MAGI2: variants seen among roughly 807,000 people sequenced by gnomAD.
The protein encoded by MAGI2 is membrane associated guanylate kinase, WW and PDZ domain containing 2.
MAGI2 carries 35 observed loss-of-function variants against 133.3 expected under a neutral mutation model. That is an observed-to-expected ratio of 0.26 (90% CI 0.20 to 0.35). The LOEUF (loss-of-function observed/expected upper bound fraction) is 0.35, where lower values mean the gene tolerates loss of function less well. MAGI2 is among the 10% of genes least tolerant of loss of function. The probability of loss-of-function intolerance (pLI) is 1.00; values close to 1 mark genes in which losing one functional copy is unlikely to be tolerated. For synonymous variants in MAGI2, 729 were observed against 710.6 expected, an observed-to-expected ratio of 1.03 and a Z score of -0.41; for missense variants, 1,636 against 1,863.4, an observed-to-expected ratio of 0.88 and a Z score of 2.25.
At chr7:78,054,657 ATT>A (rs11300162) in intron 21 of MAGI2, among the ~76,000 whole-genome samples, 3 of 144,076 alleles carry the variant, frequency 2.1e-5, no homozygotes, top group Non-Finnish European at 3.1e-5. Context: ...ATTTCACTTA[ATT>A]TTTTTTTTTC....
At chr7:79,245,858 TG>T (rs1832784127) in intron 1 of MAGI2, among the ~76,000 whole-genome samples, 1 of 152,174 alleles carries the variant, frequency 6.6e-6, no homozygotes, top group Non-Finnish European at 1.5e-5. Context: ...TGGCCCAGCA[TG>T]GCCCCAGCGG....
chr7:79,220,244 T>C (rs1173161521), intron 1 of MAGI2, among the ~76,000 whole-genome samples: 1 of 151,974 alleles, frequency 6.6e-6, no homozygotes, highest in Non-Finnish European at 1.5e-5. Context: ...GGTGCATGTT[T>C]TTCAGCAATC....
intron 1 of MAGI2, among the ~76,000 whole-genome samples, chr7:79,305,297 A>T (rs1311087408): frequency 6.6e-6 from 1 of 152,142 alleles, no homozygotes; most frequent in East Asian, 1.9e-4. Flanking sequence ...TCACTTCAAC[A>T]GATCTTGTTT....
chr7:79,311,570 C>T (rs1393030537), intron 1 of MAGI2, among the ~76,000 whole-genome samples: 1 of 152,012 alleles, frequency 6.6e-6, no homozygotes, highest in African/African-American at 2.4e-5. Context: ...CCTCCCACCA[C>T]CTGCCCCTAT....
chr7:78,399,804 C>CAAAAA (rs3061269), intron 6 of MAGI2, among the ~76,000 whole-genome samples: 67 of 69,690 alleles, frequency 9.6e-4, no homozygotes, highest in Middle Eastern at 9.6e-3. Context: ...GACTTTGTAT[C>CAAAAA]AAAAAAAAAA....
chr7:79,357,051 A>ATGC lies in MAGI2; in HGVS notation c.301+95966_301+95968dup, dbSNP rs1842067122. Among the ~76,000 whole-genome samples the ATGC allele has an allele frequency of 2.0e-5, 3 of 152,322 alleles. No homozygotes were observed. In the South Asian group the frequency reaches 6.2e-4, roughly 32 times the overall value. On this transcript the variant is annotated intron_variant, in intron 1 of 21. Coordinates refer to ENST00000354212, the MANE Select transcript of MAGI2 (RefSeq NM_012301.4). ...ATGATTACAATGGGTATTATAAATG[A>ATGC]TGCTCAAGGTTATTTTACTCATTTT... is the stretch of plus-strand genomic sequence containing the variant.
intron 21 of MAGI2, among the ~76,000 whole-genome samples, chr7:78,044,678 C>CGTGTGTGTGTGTGT (rs58076536): frequency 7.9e-6 from 1 of 126,408 alleles, no homozygotes; most frequent in Admixed American, 7.6e-5. Flanking sequence ...GCTAATGTAC[C>CGTGTGTGTGTGTGT]GTGTGTGTGT....
intron 21 of MAGI2, among the ~76,000 whole-genome samples, chr7:78,020,356 G>A (rs1808261323): frequency 6.6e-6 from 1 of 152,146 alleles, no homozygotes; most frequent in Non-Finnish European, 1.5e-5. Flanking sequence ...GTAGACCTTG[G>A]AATCACCAGG....
chr7:78,326,641 G>A (rs1788615643), intron 9 of MAGI2, among the ~76,000 whole-genome samples: 1 of 152,112 alleles, frequency 6.6e-6, no homozygotes, highest in South Asian at 2.1e-4. Context: ...CGACAGAAGG[G>A]GAGGTGGAAG....
intron 1 of MAGI2, among the ~76,000 whole-genome samples, chr7:79,445,284 G>A (rs1450558121): frequency 6.6e-6 from 1 of 152,094 alleles, no homozygotes. Context: ...AACACCAAAA[G>A]CAATGGCAAC....
chr7:78,489,529 A>G lies in MAGI2; in HGVS notation c.1045+232T>C, dbSNP rs1548867. On this transcript the variant is annotated intron_variant, in intron 6 of 21. Transcript: ENST00000354212. Reference sequence around the variant, plus strand: ...TCAGGCCAGGAGTCAAACAGAACCAACAGAGATGACAGAGATGTGATATTC... The same window carrying G: ...TCAGGCCAGGAGTCAAACAGAACCAGCAGAGATGACAGAGATGTGATATTC... 0.11 allele frequency among the ~76,000 whole-genome samples: 17,131 copies of G among 152,064 alleles called. 1,159 individuals are homozygous for G. Among genetic ancestry groups the G allele is most frequent in the African/African-American group, 0.18 (7,311 of 41,476 alleles).
At chr7:78,925,170 G>A (rs1799597609) in intron 2 of MAGI2, among the ~76,000 whole-genome samples, 2 of 152,020 alleles carry the variant, frequency 1.3e-5, no homozygotes, top group East Asian at 3.9e-4. Flanking sequence ...CAGAACTCCA[G>A]TGGGAAAGCG....
chr7:78,231,408 C>A (rs566094700), intron 10 of MAGI2, among the ~76,000 whole-genome samples: 2 of 152,184 alleles, frequency 1.3e-5, no homozygotes, highest in South Asian at 2.1e-4. Flanking sequence ...CTGGCCCCTG[C>A]GCTCTAAATG....
intron 6 of MAGI2, among the ~76,000 whole-genome samples, chr7:78,468,451 T>C (rs940998292): frequency 2.0e-5 from 3 of 152,120 alleles, no homozygotes; most frequent in African/African-American, 7.2e-5. Flanking sequence ...AAATTATACA[T>C]ATGCTTATAT....
rs555131806 is a variant in MAGI2, at chr7:79,123,730, G to A, written c.302-116524C>T. Among the ~76,000 whole-genome samples the A allele has an allele frequency of 5.5e-5, 8 of 144,864 alleles. No homozygotes were observed. The East Asian group carries it at 1.6e-3, about 30-fold the overall frequency. On this transcript the variant is annotated intron_variant, in intron 1 of 21. Coordinates refer to ENST00000354212, the MANE Select transcript of MAGI2 (RefSeq NM_012301.4). ...GAACCCGGGAGGCAGAGGTTGCAGT[G>A]AGCTGAGATCGCACCACTGCATTCC... is the stretch of plus-strand genomic sequence containing the variant.
intron 1 of MAGI2, among the ~76,000 whole-genome samples, chr7:79,116,776 G>A (rs1819447735): frequency 6.6e-6 from 1 of 152,120 alleles, no homozygotes; most frequent in Admixed American, 6.5e-5. Flanking sequence ...GGTTGTTTAA[G>A]AACCTGTTTC....
At chr7:78,850,140 C>T (rs1010008041) in intron 2 of MAGI2, among the ~76,000 whole-genome samples, 5 of 151,988 alleles carry the variant, frequency 3.3e-5, no homozygotes, top group African/African-American at 9.7e-5. Context: ...AATGTCACTG[C>T]AAATGAAGCT....
In MAGI2 at chr7:79,336,162, T is replaced by A. The variant is rs188019632; in HGVS notation, c.301+116858A>T. ...TTTACAATATATTGGTTTACATAGG[T>A]CATCTTATTTAATTCTCAGGATAGA... is the stretch of plus-strand genomic sequence containing the variant. On this transcript the variant is annotated intron_variant, in intron 1 of 21. Coordinates refer to ENST00000354212, the MANE Select transcript of MAGI2 (RefSeq NM_012301.4). Among the ~76,000 whole-genome samples the A allele has an allele frequency of 5.5e-4, 83 of 152,212 alleles. No individual in the cohort carries two copies. The East Asian group carries it at 0.015, about 27-fold the overall frequency.
intron 21 of MAGI2, among the ~76,000 whole-genome samples, chr7:78,062,204 A>G (rs1265398436): frequency 6.6e-6 from 1 of 152,214 alleles, no homozygotes; most frequent in African/African-American, 2.4e-5. Context: ...AGCAGAAACA[A>G]CAGGGCCTGG....
Sources: allele counts gnomAD v4.1 joint callset (sites outside exome capture counted in the v4.1 genomes callset), GRCh38; gene constraint gnomAD v4.1.1; transcripts MANE v1.5; gene names NCBI Gene and HGNC (gene_info 2026-07-23, HGNC 2026-07-21).